The following ZNF254 variants were observed in gnomAD, a reference collection of about 807,000 sequenced individuals.
ZNF254 encodes CTD-2017D11.1.
In ZNF254, 10 loss-of-function variants were observed where a neutral mutation model predicts 12.4. That is an observed-to-expected ratio of 0.80 (90% CI 0.50 to 1.36). The LOEUF (loss-of-function observed/expected upper bound fraction) is 1.36, where lower values mean the gene tolerates loss of function less well. Ranked by LOEUF, ZNF254 falls within the 40% of genes most tolerant of loss-of-function variation. The probability of loss-of-function intolerance (pLI) is 0.00; values close to 1 mark genes in which losing one functional copy is unlikely to be tolerated. For synonymous variants in ZNF254, 305 were observed against 253.4 expected, an observed-to-expected ratio of 1.20 and a Z score of -1.93; for missense variants, 996 against 763.9, an observed-to-expected ratio of 1.30 and a Z score of -3.58.
At chr19:24,048,003 C>CTTCTTTTTTTTTTTTTTTTTTTTTTTTT (rs1970467576) in intron 2 of ZNF254, among the ~76,000 whole-genome samples, 1 of 68,810 alleles carries the variant, frequency 1.5e-5, no homozygotes, top group African/African-American at 6.1e-5. Context: ...TTCTTTTCTT[C>CTTCTTTTTTTTTTTTTTTTTTTTTTTTT]TTTTTTTTTT....
intron 3 of ZNF254, among the ~76,000 whole-genome samples, chr19:24,114,713 A>T (rs1973918603): frequency 7.0e-6 from 1 of 143,236 alleles, no homozygotes; most frequent in Non-Finnish European, 1.5e-5. Flanking sequence ...CTGCACAGCG[A>T]AAGAAACTAC....
chr19:24,127,067 G>T lies in ZNF254; in HGVS notation c.1067G>T (p.Gly356Val), dbSNP rs759784566. 1.2e-6 allele frequency: 2 copies of T among 1,613,358 alleles called. No individual in the cohort carries two copies. Among genetic ancestry groups the T allele is most frequent in the Non-Finnish European group, 1.7e-6 (2 of 1,179,784 alleles). Residue 356 changes from glycine (G) to valine (V), a missense_variant, in exon 4 of 4, where the codon GGC becomes GTC. Transcript: ENST00000357002. Reference sequence around the variant, plus strand: ...AAACCCTACAAATGTGAAGAATGTGGCAAAGCTTTTAGCCAGTCCTCAACC... The same window carrying T: ...AAACCCTACAAATGTGAAGAATGTGTCAAAGCTTTTAGCCAGTCCTCAACC... ...GEKPYKCEEC[G>V]KAFSQSSTLT...
intron 2 of ZNF254, among the ~76,000 whole-genome samples, chr19:24,057,039 A>G (rs1044157017): frequency 2.0e-5 from 3 of 152,326 alleles, no homozygotes; most frequent in African/African-American, 2.4e-5. Context: ...ACTATCTCTC[A>G]TATGTGGGCT....
chr19:24,056,161 T>G (rs1354042668), intron 2 of ZNF254, among the ~76,000 whole-genome samples: 1 of 152,134 alleles, frequency 6.6e-6, no homozygotes, highest in Non-Finnish European at 1.5e-5. Context: ...TCCCCTGCCT[T>G]GGCACTGCCT....
intron 1 of ZNF254, among the ~76,000 whole-genome samples, chr19:24,090,974 A>T (rs1972342456): frequency 2.6e-5 from 3 of 114,870 alleles, no homozygotes; most frequent in South Asian, 3.0e-4. Flanking sequence ...TTTGAGACAG[A>T]GTCTCACTCT....
intron 1 of ZNF254, among the ~76,000 whole-genome samples, chr19:24,034,488 G>GGT (rs1568418280): frequency 7.8e-4 from 84 of 107,322 alleles, no homozygotes; most frequent in East Asian, 1.6e-3. Flanking sequence ...AGGTAAGTGG[G>GGT]TTTTTTTTTT....
At chr19:24,074,537 T>C (rs1971592141) in intron 2 of ZNF254, among the ~76,000 whole-genome samples, 1 of 152,230 alleles carries the variant, frequency 6.6e-6, no homozygotes, top group East Asian at 1.9e-4. Flanking sequence ...ATGGCCATGC[T>C]TCCATGAAAG....
chr19:24,037,015 AAGC>A (rs1969991770), intron 1 of ZNF254, among the ~76,000 whole-genome samples: 1 of 152,222 alleles, frequency 6.6e-6, no homozygotes, highest in Admixed American at 6.5e-5. Context: ...CCTGAACCTG[AAGC>A]AGCAACCTGG....
chr19:24,129,853 T>C lies in ZNF254; in HGVS notation c.*1873T>C, dbSNP rs1449267497. 1.3e-5 allele frequency: 2 copies of C among 152,008 alleles called. No homozygotes were observed. Among genetic ancestry groups the C allele is most frequent in the Non-Finnish European group, 2.9e-5 (2 of 67,968 alleles). 9.4% of individuals were successfully genotyped at this position (152,008 alleles called of 1,614,324 possible). A position where few individuals can be genotyped will look rare whatever the true frequency, so the allele number is the denominator to read the frequency against. ...GAATAAATATTTTTAAAAATTTTAA[T>C]ATATTTTTCTTTGAATATGTGACCT... On this transcript the variant is annotated 3_prime_UTR_variant, in exon 4 of 4. Coordinates refer to ENST00000357002, the MANE Select transcript of ZNF254 (RefSeq NM_203282.4).
chr19:24,077,393 C>T (rs1234796456), intron 2 of ZNF254, among the ~76,000 whole-genome samples: 1 of 152,216 alleles, frequency 6.6e-6, no homozygotes, highest in Non-Finnish European at 1.5e-5. Flanking sequence ...TGACACTTGT[C>T]TCAGGTACCT....
intron 2 of ZNF254, among the ~76,000 whole-genome samples, chr19:24,054,419 A>G (rs1480253204): frequency 6.6e-6 from 1 of 152,210 alleles, no homozygotes; most frequent in African/African-American, 2.4e-5. Flanking sequence ...TGTCTCTCAT[A>G]GCTCGACTTA....
chr19:24,052,603 G>A (rs1013921855), intron 2 of ZNF254, among the ~76,000 whole-genome samples: 1 of 152,138 alleles, frequency 6.6e-6, no homozygotes, highest in African/African-American at 2.4e-5. Flanking sequence ...ACTGGGCCTA[G>A]CATCCAGGTG....
intron 1 of ZNF254, among the ~76,000 whole-genome samples, chr19:24,102,314 T>A (rs1023852259): frequency 6.6e-6 from 1 of 151,788 alleles, no homozygotes; most frequent in Non-Finnish European, 1.5e-5. Context: ...TTTAAATTGC[T>A]TATTAGTATG....
chr19:24,058,930 G>A (rs67660574), intron 2 of ZNF254, among the ~76,000 whole-genome samples: 22,599 of 152,248 alleles, frequency 0.15, 1,939 homozygotes, highest in Middle Eastern at 0.23. Flanking sequence ...CAGGTGATGT[G>A]ACTGCCTTTT....
intron 3 of ZNF254, among the ~76,000 whole-genome samples, chr19:24,109,512 A>C (rs1393377051): frequency 6.6e-6 from 1 of 152,042 alleles, no homozygotes; most frequent in African/African-American, 2.4e-5. Context: ...GTGCATTATA[A>C]TTTTAGACAA....
At chr19:24,075,016 A>G (rs1347788830) in intron 2 of ZNF254, among the ~76,000 whole-genome samples, 1 of 152,110 alleles carries the variant, frequency 6.6e-6, no homozygotes, top group African/African-American at 2.4e-5. Flanking sequence ...CTCTGCATAC[A>G]TGTATTGTGA....
At chr19:24,119,470 G>T (rs1049058548) in intron 3 of ZNF254, among the ~76,000 whole-genome samples, 1 of 152,014 alleles carries the variant, frequency 6.6e-6, no homozygotes, top group Non-Finnish European at 1.5e-5. Flanking sequence ...GGGATTACAT[G>T]TGTGAGCCAC....
chr19:24,062,147 G>T (rs1971102482), intron 2 of ZNF254, among the ~76,000 whole-genome samples: 1 of 151,512 alleles, frequency 6.6e-6, no homozygotes, highest in Admixed American at 6.6e-5. Context: ...TCTGTATGAA[G>T]GTTATAGAGA....
chr19:24,085,229 G>T (rs1245166641), upstream of ZNF254, among the ~76,000 whole-genome samples: 1 of 151,144 alleles, frequency 6.6e-6, no homozygotes, highest in African/African-American at 2.4e-5. Flanking sequence ...ACTGCACCCA[G>T]CCCAGAATTT....
Sources: allele counts gnomAD v4.1 joint callset (sites outside exome capture counted in the v4.1 genomes callset), GRCh38; gene constraint gnomAD v4.1.1; transcripts MANE v1.5; gene names NCBI Gene and HGNC (gene_info 2026-07-23, HGNC 2026-07-21).